The following MED23 variants were observed in gnomAD, a reference collection of about 807,000 sequenced individuals.
The protein encoded by MED23 is mediator of RNA polymerase II transcription subunit 23.
A neutral mutation model predicts 163.9 loss-of-function variants in MED23; 105 were observed. That is an observed-to-expected ratio of 0.64 (90% CI 0.55 to 0.75). The LOEUF is 0.75. Ranked by LOEUF, MED23 falls within the 30% of genes least tolerant of loss-of-function variation. The probability of loss-of-function intolerance (pLI) is 0.00; values close to 1 mark genes in which losing one functional copy is unlikely to be tolerated. For synonymous variants in MED23, 561 were observed against 565.6 expected (o/e 0.99, Z 0.12); for missense variants, 1,054 against 1,649.0 (o/e 0.64, Z 6.25).
intron 3 of MED23, 106 bp from the exon 4 acceptor site, chr6:131,625,095 C>A (rs1777387855): frequency 1.6e-6 from 2 of 1,219,666 alleles, no homozygotes. Context: ...AGAAATACTT[C>A]ACTATGAGCA....
chr6:131,616,692 T>A (rs1776714642), intron 9 of MED23, among the ~76,000 whole-genome samples: 2 of 152,114 alleles, frequency 1.3e-5, no homozygotes, highest in Non-Finnish European at 2.9e-5. Flanking sequence ...TGGTGGCATA[T>A]GCCTGTAGTC....
At chr6:131,582,828 C>T (rs1161298639), downstream of MED23, 1 of 881,822 alleles carries the variant, frequency 1.1e-6, no homozygotes, top group Non-Finnish European at 1.9e-6. Flanking sequence ...CACACACACA[C>T]ACATGCCCAC....
chr6:131,578,217 C>T (rs1257110756), intron 30 of MED23, among the ~76,000 whole-genome samples: 1 of 150,936 alleles, frequency 6.6e-6, no homozygotes, highest in Admixed American at 6.6e-5. Context: ...AATACAGACA[C>T]CCAGTAGAGA....
chr6:131,593,267 A>C, intron 23 of MED23, 96 bp from the exon 24 acceptor site: 1 of 1,447,450 alleles, frequency 6.9e-7, no homozygotes, highest in South Asian at 1.2e-5. Context: ...CTACGCTTAG[A>C]GAGATTAAGA....
chr6:131,620,863 CG>C, intron 6 of MED23, 134 bp from the exon 7 acceptor site: 3 of 543,282 alleles, frequency 5.5e-6, no homozygotes, highest in Non-Finnish European at 9.5e-6. Context: ...AGTGCAGTGG[CG>C]TAATCATGGC....
chr6:131,621,196 C>A (rs935549955), intron 6 of MED23, among the ~76,000 whole-genome samples: 2 of 152,044 alleles, frequency 1.3e-5, no homozygotes, highest in South Asian at 2.1e-4. Flanking sequence ...GGTCAAAGGA[C>A]AAAATTTCAC....
chr6:131,583,350 A>G (rs1417120069), downstream of MED23: 12 of 1,614,048 alleles, frequency 7.4e-6, no homozygotes, highest in Non-Finnish European at 1.0e-5. Flanking sequence ...CCCACTTCTT[A>G]AAAGAAAGAA....
intron 10 of MED23, among the ~76,000 whole-genome samples, chr6:131,611,919 GA>G (rs1398499405): frequency 4.6e-5 from 7 of 151,900 alleles, no homozygotes; most frequent in Non-Finnish European, 8.8e-5. Context: ...AGCTATTTAA[GA>G]AAAAAACTGG....
Position 131,586,780 on chromosome 6 carries a change from G to A in MED23, c.*899C>T. On this transcript the variant is annotated 3_prime_UTR_variant, in exon 29 of 29. Transcript: ENST00000368068. ...TTCATTCAGCAGACTTTACTCATTA[G>A]TTTTCAAGTCTTTCGCAATGCCAAT... 1 of 1,485,212 alleles carries A rather than the reference G, an allele frequency of 6.7e-7. No individual in the cohort carries two copies. Among genetic ancestry groups the A allele is most frequent in the South Asian group, 1.2e-5 (1 of 82,116 alleles). 92.0% of individuals were successfully genotyped at this position (1,485,212 alleles called of 1,614,324 possible). A position where few individuals can be genotyped will look rare whatever the true frequency, so the allele number is the denominator to read the frequency against.
At chr6:131,624,797 CCT>C in intron 4 of MED23, 66 bp downstream of exon 4, 1 of 1,562,476 alleles carries the variant, frequency 6.4e-7, no homozygotes. Context: ...ACAACAACAA[CCT>C]CAACCAATTT....
At chr6:131,622,643 T>C (rs139199497) in intron 5 of MED23, among the ~76,000 whole-genome samples, 33 of 152,244 alleles carry the variant, frequency 2.2e-4, no homozygotes, top group African/African-American at 6.3e-4. Context: ...AATAAGAAAA[T>C]TGCATAAGTC....
intron 26 of MED23, 53 bp downstream of exon 26, chr6:131,591,260 G>C: frequency 1.4e-6 from 2 of 1,409,062 alleles, no homozygotes; most frequent in Non-Finnish European, 2.0e-6. Flanking sequence ...TTACAGGCAT[G>C]AACCACCGCA....
At chr6:131,602,092 A>G (rs540384967) in intron 17 of MED23, 126 bp downstream of exon 17, 149 of 1,109,240 alleles carry the variant, frequency 1.3e-4, no homozygotes, top group Admixed American at 3.9e-4. Flanking sequence ...TGAAGATATC[A>G]AAACAACAGG....
intron 26 of MED23, 142 bp downstream of exon 26, chr6:131,591,171 G>C (rs984124412): frequency 3.0e-6 from 2 of 676,430 alleles, no homozygotes; most frequent in African/African-American, 3.6e-5. Context: ...GTAGAGATGG[G>C]GTTTCACAAT....
At position 131,591,253 on chromosome 6, in the gene MED23, C is replaced by T. The variant is rs1774606879; in HGVS notation, c.3686+60G>A. 4.6e-6 allele frequency: 6 copies of T among 1,316,388 alleles called. No individual in the cohort carries two copies. In the Admixed American group the frequency reaches 1.0e-4, roughly 22 times the overall value. The allele number at this position is 1,316,388 out of a possible 1,614,324, so 81.5% of individuals were successfully genotyped here. A position where few individuals can be genotyped will look rare whatever the true frequency, so the allele number is the denominator to read the frequency against. On this transcript the variant is annotated intron_variant, in intron 26 of 28. Coordinates refer to ENST00000368068, the MANE Select transcript of MED23 (RefSeq NM_004830.4). ...TCGGCCTCCCAAAGTGCTGGGATTA[C>T]AGGCATGAACCACCGCACCCAGCCT...
chr6:131,615,086 G>GA (rs1014814556), intron 10 of MED23, among the ~76,000 whole-genome samples: 1 of 105,340 alleles, frequency 9.5e-6, no homozygotes, highest in Non-Finnish European at 2.0e-5. Context: ...AAAAAAAAAA[G>GA]AAAAAAAAAG....
In MED23 at chr6:131,625,863, C is replaced by T. The variant is rs146642427; in HGVS notation, c.160-874G>A. ...CTCAGCCGGGCGCGGTGGCTCATGC[C>T]TGTAATCCCAGCACTTTGGGAGGCC... On this transcript the variant is annotated intron_variant, in intron 3 of 28. Transcript: ENST00000368068. Among the ~76,000 whole-genome samples, 76 of 152,052 alleles carry T rather than the reference C, an allele frequency of 5.0e-4. No homozygotes were observed. In the Middle Eastern group the frequency reaches 0.01, roughly 20 times the overall value.
downstream of MED23, among the ~76,000 whole-genome samples, chr6:131,581,851 T>G (rs1334134106): frequency 6.6e-6 from 1 of 152,198 alleles, no homozygotes; most frequent in Non-Finnish European, 1.5e-5. Context: ...GTTTATGAAC[T>G]AATGTATTTA....
chr6:131,605,624 G>T, intron 13 of MED23, 139 bp from the exon 14 acceptor site: 1 of 822,286 alleles, frequency 1.2e-6, no homozygotes, highest in Non-Finnish European at 1.8e-6. Context: ...GTTTCTGTGT[G>T]AAATGTACAG....
Sources: gnomAD v4.1 joint callset for allele counts (sites outside exome capture counted in the v4.1 genomes callset) on GRCh38, gnomAD v4.1.1 for gene constraint, MANE v1.5 for transcripts, NCBI Gene and HGNC (gene_info 2026-07-23, HGNC 2026-07-21) for gene names.